LIG1: variants seen among roughly 807,000 people sequenced by gnomAD.
The protein encoded by LIG1 is DNA ligase 1.
In LIG1, 70 loss-of-function variants were observed where a neutral mutation model predicts 115.7. The ratio of observed to expected loss-of-function variants is 0.60; its 90% confidence interval spans 0.50 to 0.74. LIG1 has a LOEUF of 0.74. Among genes scored for constraint, LIG1 ranks in the 30% least tolerant of loss-of-function variants. The probability of loss-of-function intolerance (pLI) is 0.00; values close to 1 mark genes in which losing one functional copy is unlikely to be tolerated. For missense variants in LIG1, 1,115 were observed against 1,225.6 expected, an observed-to-expected ratio of 0.91 and a Z score of 1.35; for synonymous variants, 487 against 495.3, an observed-to-expected ratio of 0.98 and a Z score of 0.22.
At chr19:48,138,896 A>G (rs979761905) in intron 12 of LIG1, among the ~76,000 whole-genome samples, 2 of 152,132 alleles carry the variant, frequency 1.3e-5, no homozygotes, top group African/African-American at 4.8e-5. Context: ...TGAGTGAATG[A>G]GTGAGAAAAT....
intron 12 of LIG1, among the ~76,000 whole-genome samples, chr19:48,139,274 C>T (rs274889): frequency 0.17 from 26,616 of 152,194 alleles, 4,255 homozygotes; most frequent in African/African-American, 0.43. Context: ...CTGCCCCTCA[C>T]CAGGGTCCCA....
chr19:48,127,594 C>T (rs1282392216), intron 20 of LIG1: 7 of 610,596 alleles, frequency 1.1e-5, no homozygotes, highest in Non-Finnish European at 2.0e-5. Flanking sequence ...ATGGCAGTGA[C>T]ATGGCACAGT....
At chr19:48,159,124 C>T (rs1345025567) in intron 4 of LIG1, among the ~76,000 whole-genome samples, 2 of 150,128 alleles carry the variant, frequency 1.3e-5, no homozygotes, top group Non-Finnish European at 2.9e-5. Flanking sequence ...GTTGTTCAGG[C>T]TGGAGTGCAA....
intron 11 of LIG1, among the ~76,000 whole-genome samples, chr19:48,142,235 A>C (rs1352794002): frequency 3.3e-5 from 5 of 152,022 alleles, no homozygotes; most frequent in Non-Finnish European, 7.4e-5. Context: ...CAGGAGATCA[A>C]GATCTTCCTG....
At chr19:48,166,964 AAAAAAAAAAAGAAAGAAAAAG>A (rs1178986389) in intron 1 of LIG1, among the ~76,000 whole-genome samples, 4 of 144,660 alleles carry the variant, frequency 2.8e-5, no homozygotes, top group African/African-American at 1.1e-4. Context: ...TGTCTCAAAA[AAAAAAAAAAAGAAAGAAAAAG>A]AAAGAAAAAG....
At position 48,150,135 on chromosome 19, in the gene LIG1, T is replaced by C. The variant is rs758448612; in HGVS notation, c.650A>G (p.Gln217Arg). 6.2e-7 allele frequency: 1 copy of C among 1,614,238 alleles called. No homozygotes were observed. The highest frequency in any genetic ancestry group is 2.2e-5 in the East Asian group (1 of 44,882). Residue 217 changes from glutamine (Q) to arginine (R), a missense_variant, in exon 8 of 28, where the codon CAG (glutamine) becomes CGG (arginine). By Grantham distance (43) the Gln-to-Arg change is conservative. Coordinates refer to ENST00000263274, the MANE Select transcript of LIG1 (RefSeq NM_000234.3). ...GGGAGCTCTGCGGGGAGGCTTGGTC[T>C]GCTCTTCCTCCTCCTGCAGTTCCTG... ...TKQELQEEEE[Q>R]TKPPRRAPKT...
intron 24 of LIG1, 103 bp downstream of exon 24, chr19:48,121,067 G>A (rs1285266716): frequency 5.0e-6 from 8 of 1,598,318 alleles, no homozygotes; most frequent in African/African-American, 2.7e-5. Flanking sequence ...CCTTCACAGG[G>A]GGATGTGAGC....
At chr19:48,154,412 G>A (rs980279820) in intron 5 of LIG1, 1 of 236,094 alleles carries the variant, frequency 4.2e-6, no homozygotes, top group South Asian at 6.1e-5. Flanking sequence ...GGCAGGAGTT[G>A]GTGTATAAAT....
intron 2 of LIG1, among the ~76,000 whole-genome samples, chr19:48,163,911 C>T (rs528460128): frequency 6.9e-6 from 1 of 144,580 alleles, no homozygotes; most frequent in African/African-American, 2.6e-5. Flanking sequence ...CGCCACTGCA[C>T]TCCAGCCTGG....
At chr19:48,165,880 A>C in intron 1 of LIG1, 1 of 470,548 alleles carries the variant, frequency 2.1e-6, no homozygotes. Context: ...TAATATGAGG[A>C]ATAGACTGAG....
chr19:48,143,962 G>T lies in LIG1; in HGVS notation c.778C>A (p.Pro260Thr), dbSNP rs759755473. 6.2e-7 allele frequency: 1 copy of T among 1,612,610 alleles called. No individual in the cohort carries two copies. Among genetic ancestry groups the T allele is most frequent in the African/African-American group, 1.3e-5 (1 of 74,876 alleles). The change falls in exon 10 of 28, where the codon CCC (proline) becomes ACC (threonine). Residue 260 changes from proline to threonine, a missense_variant and splice_region_variant. Coordinates refer to ENST00000263274, the MANE Select transcript of LIG1 (RefSeq NM_000234.3). ...GGATTGTAACCAGATGGATCCAGGG[G>T]TCTACGGAGGCAAAACGGAGATTGA... is the stretch of plus-strand genomic sequence containing the variant. The part of the protein sequence containing the change: ...APGKEGAAEG[P>T]LDPSGYNPAK...
rs1457234952 is a variant in LIG1 at position 48,127,961 on chromosome 19, C to T, written c.1881G>A (p.Arg627=). The part of the protein sequence containing the change: ...ILDTEAVAWD[R]EKKQIQPFQV... ...GGAATGGCTGGATCTGCTTCTTTTCCCGGTCCCAAGCCACGGCTTCGGTGT... is the reference window on the plus strand; with the variant it reads ...GGAATGGCTGGATCTGCTTCTTTTCTCGGTCCCAAGCCACGGCTTCGGTGT... The change falls in exon 20 of 28, where the codon CGG becomes CGA. Residue 627 remains arginine, a synonymous_variant. Coordinates refer to ENST00000263274, the MANE Select transcript of LIG1 (RefSeq NM_000234.3). 6.2e-7 allele frequency: 1 copy of T among 1,614,136 alleles called. No individual in the cohort carries two copies. The highest frequency in any genetic ancestry group is 2.2e-5 in the East Asian group (1 of 44,878).
chr19:48,120,061 T>C (rs532138854), intron 24 of LIG1: 1 of 430,992 alleles, frequency 2.3e-6, no homozygotes, highest in Non-Finnish European at 3.1e-6. Flanking sequence ...TTCTAAATAA[T>C]GCAAAATGGT....
At chr19:48,147,795 GTAAA>G (rs2035213555) in intron 9 of LIG1, among the ~76,000 whole-genome samples, 1 of 151,632 alleles carries the variant, frequency 6.6e-6, no homozygotes, top group Admixed American at 6.6e-5. Context: ...TACTTACTGA[GTAAA>G]TAAATGAGTC....
chr19:48,116,538 T>C (rs2032847277), intron 26 of LIG1, among the ~76,000 whole-genome samples: 1 of 151,630 alleles, frequency 6.6e-6, no homozygotes, highest in African/African-American at 2.4e-5. Flanking sequence ...CGCCAGGGTA[T>C]GGGTTCTAGA....
At chr19:48,121,089 T>A in intron 24 of LIG1, 81 bp downstream of exon 24, 1 of 1,610,888 alleles carries the variant, frequency 6.2e-7, no homozygotes. Flanking sequence ...CCCCTCGGTC[T>A]GGGTTGTGCA....
chr19:48,164,861 G>T (rs149498228), intron 2 of LIG1, among the ~76,000 whole-genome samples: 3 of 152,186 alleles, frequency 2.0e-5, no homozygotes, highest in African/African-American at 7.2e-5. Context: ...TGTGTTGTTG[G>T]GGGGGCTGTC....
chr19:48,121,085 G>A (rs117988002), intron 24 of LIG1, 85 bp downstream of exon 24: 17 of 1,609,724 alleles, frequency 1.1e-5, no homozygotes, highest in East Asian at 2.2e-5. Flanking sequence ...AGCACCCCTC[G>A]GTCTGGGTTG....
At position 48,121,316 on chromosome 19, in the gene LIG1, T is replaced by C; in HGVS notation, c.2239A>G (p.Lys747Glu). Residue 747 changes from lysine (K) to glutamate (E), a missense_variant, in exon 24 of 28, where the codon AAG becomes GAG. By Grantham distance (56) the Lys-to-Glu change is moderately conservative. Transcript: ENST00000263274. ...KRSHNWLKLK[K>E]DYLDGVGDTL... ...TCACCCACGCCATCAAGGTAGTCCT[T>C]CTTCAGCTGGGAGAAGGGGAGGCAA... is the stretch of plus-strand genomic sequence containing the variant. The C allele has an allele frequency of 6.3e-7, 1 of 1,598,414 alleles. No homozygotes were observed.
Sources: gnomAD v4.1 joint callset for allele counts (sites outside exome capture counted in the v4.1 genomes callset) on GRCh38, gnomAD v4.1.1 for gene constraint, MANE v1.5 for transcripts, NCBI Gene and HGNC (gene_info 2026-07-23, HGNC 2026-07-21) for gene names.